RBPJ: variants seen among roughly 807,000 people sequenced by gnomAD.
RBPJ encodes the protein recombination signal binding protein for immunoglobulin kappa J region, also known as recombining binding protein suppressor of hairless.
In RBPJ, 9 loss-of-function variants were observed where a neutral mutation model predicts 67.8. The ratio of observed to expected loss-of-function variants is 0.13; its 90% confidence interval spans 0.08 to 0.23. RBPJ has a LOEUF of 0.23. Among genes scored for constraint, RBPJ ranks in the 10% least tolerant of loss-of-function variants. The pLI is 1.00. For synonymous variants in RBPJ, 198 were observed against 203.3 expected (o/e 0.97, Z 0.22); for missense variants, 305 against 595.6 (o/e 0.51, Z 5.08).
At chr4:26,125,019 T>C in the RBPJ span, among the ~76,000 whole-genome samples, 1 of 152,090 alleles carries the variant, frequency 6.6e-6, no homozygotes, top group South Asian at 2.1e-4. Flanking sequence ...TGGTCTGAGA[T>C]GACTGACTAC....
the RBPJ span, among the ~76,000 whole-genome samples, chr4:26,122,868 T>G: frequency 6.6e-6 from 1 of 152,166 alleles, no homozygotes; most frequent in South Asian, 2.1e-4. Flanking sequence ...GGTGTGATTG[T>G]GTTCCAATAA....
chr4:26,145,009 A>G, the RBPJ span, among the ~76,000 whole-genome samples: 192 of 150,630 alleles, frequency 1.3e-3, 1 homozygote, highest in Non-Finnish European at 2.3e-3. Context: ...AGTCTCCCTC[A>G]ACCTGCCTTC....
At chr4:26,270,409 GAAAGAAAGAAAGAAAGAAA>G (rs1720861338) in intron 1 of RBPJ, among the ~76,000 whole-genome samples, 5 of 57,428 alleles carry the variant, frequency 8.7e-5, no homozygotes, top group Non-Finnish European at 1.3e-4. Flanking sequence ...AAGAAAGAAA[GAAAGAAAGAAAGAAAGAAA>G]GAAAGAAAGA....
intron 1 of RBPJ, among the ~76,000 whole-genome samples, chr4:26,385,497 C>G (rs1302990703): frequency 6.6e-6 from 1 of 152,182 alleles, no homozygotes; most frequent in South Asian, 2.1e-4. Flanking sequence ...CAATCTTACT[C>G]TAGAGTCTTT....
chr4:26,402,802 C>T (rs1395977843), intron 2 of RBPJ, among the ~76,000 whole-genome samples: 2 of 152,158 alleles, frequency 1.3e-5, no homozygotes, highest in African/African-American at 4.8e-5. Context: ...TGAACCCCAC[C>T]TTTTCAGCCC....
intron 1 of RBPJ, among the ~76,000 whole-genome samples, chr4:26,329,365 T>C (rs1212339136): frequency 6.6e-6 from 1 of 152,164 alleles, no homozygotes. Flanking sequence ...GTGGACACCA[T>C]AAGAGAAATA....
chr4:26,208,528 GATA>G (rs1345649330), intron 1 of RBPJ, among the ~76,000 whole-genome samples: 2 of 152,138 alleles, frequency 1.3e-5, no homozygotes. Flanking sequence ...TTTCAAGAGT[GATA>G]ATGACATTAA....
At chr4:26,140,834 CAAATAAAT>C in the RBPJ span, among the ~76,000 whole-genome samples, 30 of 138,512 alleles carry the variant, frequency 2.2e-4, no homozygotes, top group Middle Eastern at 3.6e-3. Context: ...GACCCTTCCA[CAAATAAAT>C]AAATAAATAA....
At chr4:26,201,317 A>G (rs941275148) in intron 1 of RBPJ, among the ~76,000 whole-genome samples, 2 of 152,126 alleles carry the variant, frequency 1.3e-5, no homozygotes, top group African/African-American at 4.8e-5. Flanking sequence ...GGATGGTGTA[A>G]CTTTTACTTA....
At position 26,350,613 on chromosome 4, in the gene RBPJ, C is replaced by T. The variant is rs144111424; in HGVS notation, c.20+29565C>T. The stretch of plus-strand genomic sequence containing the variant: ...ATAGACATATGATAGGTGAACAGTT[C>T]ATTAAAGGACATTAAGAGGTGAGGA... On this transcript the variant is annotated intron_variant, in intron 1 of 10. Transcript: ENST00000355476. Among the ~76,000 whole-genome samples, 22 of 152,170 alleles carry T rather than the reference C, an allele frequency of 1.4e-4. No individual in the cohort carries two copies. In the East Asian group the frequency reaches 3.1e-3, roughly 21 times the overall value.
At chr4:26,388,008 T>C (rs1377313024) in intron 2 of RBPJ, among the ~76,000 whole-genome samples, 2 of 151,978 alleles carry the variant, frequency 1.3e-5, no homozygotes, top group African/African-American at 4.8e-5. Flanking sequence ...AATAGAAAAA[T>C]ATCCAGCACT....
chr4:26,204,647 A>C (rs1281920308), intron 1 of RBPJ, among the ~76,000 whole-genome samples: 1 of 152,218 alleles, frequency 6.6e-6, no homozygotes, highest in African/African-American at 2.4e-5. Flanking sequence ...TGGAAGTGAC[A>C]CAGCTCAGCA....
chr4:26,359,003 C>G (rs944056243), intron 1 of RBPJ, among the ~76,000 whole-genome samples: 21 of 152,210 alleles, frequency 1.4e-4, no homozygotes, highest in African/African-American at 4.8e-4. Context: ...AGTCTCATAG[C>G]TAGTGAGTAG....
At chr4:26,338,720 G>A (rs929218282) in intron 1 of RBPJ, among the ~76,000 whole-genome samples, 2 of 151,946 alleles carry the variant, frequency 1.3e-5, no homozygotes, top group African/African-American at 4.8e-5. Flanking sequence ...GATTACAGGT[G>A]CCTGCCACCC....
intron 1 of RBPJ, among the ~76,000 whole-genome samples, chr4:26,302,573 G>A (rs1722110293): frequency 6.6e-6 from 1 of 152,140 alleles, no homozygotes; most frequent in Admixed American, 6.6e-5. Context: ...TAATAAGGGA[G>A]GAAGTGACCC....
chr4:26,126,127 C>T, the RBPJ span, among the ~76,000 whole-genome samples: 1 of 152,172 alleles, frequency 6.6e-6, no homozygotes, highest in Non-Finnish European at 1.5e-5. Flanking sequence ...CAGATGTATT[C>T]AATTCCTTGA....
At position 26,214,752 on chromosome 4, in the gene RBPJ, GAA is replaced by G. The variant is rs1400380605; in HGVS notation, c.-167+51142_-167+51143del. ...GAAAGAGGGAAGAGAGAGAGAAAGAGAAAAAGAGAGAAAAAAGAGAAAGAAAG... is the reference window on the plus strand; with the variant it reads ...GAAAGAGGGAAGAGAGAGAGAAAGAGAAAGAGAGAAAAAAGAGAAAGAAAG... On this transcript the variant is annotated intron_variant, in intron 1 of 4. Transcript: ENST00000512351. Among the ~76,000 whole-genome samples the G allele has an allele frequency of 3.3e-4, 15 of 45,082 alleles. 1 individual carries two copies. Among genetic ancestry groups the G allele is most frequent in the Non-Finnish European group, 4.7e-4 (13 of 27,728 alleles). The allele number at this position is 45,082 out of a possible 152,430, so 29.6% of individuals were successfully genotyped here. A position where few individuals can be genotyped will look rare whatever the true frequency, so the allele number is the denominator to read the frequency against.
chr4:26,293,774 T>C lies in RBPJ; in HGVS notation c.-166-68672T>C, dbSNP rs929727952. 7.9e-5 allele frequency among the ~76,000 whole-genome samples: 12 copies of C among 152,286 alleles called. 1 individual carries two copies. The highest frequency in any genetic ancestry group is 2.9e-4 in the African/African-American group (12 of 41,472). ...TGAGAAGTGTTTTTTTCTTCTTTTT[T>C]TGAGATGGAGTCTCGATTTGTCACC... On this transcript the variant is annotated intron_variant, in intron 1 of 4. Coordinates refer to the RBPJ transcript ENST00000512351.
At chr4:26,283,880 G>A (rs1721369491) in intron 1 of RBPJ, among the ~76,000 whole-genome samples, 3 of 152,022 alleles carry the variant, frequency 2.0e-5, no homozygotes, top group South Asian at 2.1e-4. Context: ...TTTTGACCTC[G>A]TGATCCATCC....
Sources: gnomAD v4.1 joint callset for allele counts (sites outside exome capture counted in the v4.1 genomes callset) on GRCh38, gnomAD v4.1.1 for gene constraint, MANE v1.5 for transcripts, NCBI Gene and HGNC (gene_info 2026-07-23, HGNC 2026-07-21) for gene names.